The following TMEM232 variants were observed in gnomAD, a reference collection of about 807,000 sequenced individuals.
TMEM232 encodes transmembrane protein 232.
A neutral mutation model predicts 78.8 loss-of-function variants in TMEM232; 80 were observed. The ratio of observed to expected loss-of-function variants is 1.01; its 90% CI spans 0.85 to 1.22. TMEM232 has a LOEUF of 1.22. Among genes scored for constraint, TMEM232 ranks in the 50% most tolerant of loss-of-function variants. The probability of loss-of-function intolerance (pLI) is 0.00; values close to 1 mark genes in which losing one functional copy is unlikely to be tolerated. For synonymous variants in TMEM232, 297 were observed against 254.3 expected (o/e 1.17, Z -1.60); for missense variants, 881 against 742.2 (o/e 1.19, Z -2.17).
chr5:110,403,780 C>T (rs1755690589), intron 2 of TMEM232, among the ~76,000 whole-genome samples: 1 of 151,688 alleles, frequency 6.6e-6, no homozygotes, highest in Non-Finnish European at 1.5e-5. Flanking sequence ...AGCTTGGGCC[C>T]ATCAGGGAGA....
At chr5:110,520,889 G>C (rs1581051191) in intron 12 of TMEM232, among the ~76,000 whole-genome samples, 1 of 152,108 alleles carries the variant, frequency 6.6e-6, no homozygotes, top group South Asian at 2.1e-4. Context: ...TTGCACTACA[G>C]CCTGGGTAAT....
At chr5:110,722,552 T>C (rs1195430134) in intron 1 of TMEM232, among the ~76,000 whole-genome samples, 3 of 152,172 alleles carry the variant, frequency 2.0e-5, no homozygotes, top group African/African-American at 7.2e-5. Flanking sequence ...TCCTCAGAGC[T>C]TCCTGTGTGC....
At chr5:110,391,326 T>TGTGTGTGTGTGTGTGAGAGAGA (rs549361387) in intron 3 of TMEM232, among the ~76,000 whole-genome samples, 14 of 139,918 alleles carry the variant, frequency 1.0e-4, no homozygotes, top group African/African-American at 3.8e-4. Context: ...TGTGTGTGTG[T>TGTGTGTGTGTGTGTGAGAGAGA]GAGAGAGAGA....
intron 11 of TMEM232, among the ~76,000 whole-genome samples, chr5:110,558,157 G>C (rs1775322027): frequency 6.6e-6 from 1 of 152,152 alleles, no homozygotes; most frequent in Non-Finnish European, 1.5e-5. Context: ...TTGGGTACCT[G>C]CTGTGTTGGA....
At chr5:110,572,852 G>A (rs1777118617) in intron 10 of TMEM232, among the ~76,000 whole-genome samples, 1 of 152,066 alleles carries the variant, frequency 6.6e-6, no homozygotes, top group African/African-American at 2.4e-5. Flanking sequence ...TGTTACAACT[G>A]TCATAAAAAG....
chr5:110,548,355 T>A (rs1774039181), intron 11 of TMEM232, among the ~76,000 whole-genome samples: 1 of 148,966 alleles, frequency 6.7e-6, no homozygotes, highest in African/African-American at 2.4e-5. Flanking sequence ...TCATTAATTA[T>A]TAATATTTAA....
intron 10 of TMEM232, among the ~76,000 whole-genome samples, chr5:110,574,572 T>G (rs1009431459): frequency 1.3e-5 from 2 of 152,104 alleles, no homozygotes; most frequent in South Asian, 4.1e-4. Flanking sequence ...AGTTTGAACA[T>G]TGGTGGGGCC....
chr5:110,475,695 G>C (rs1262019371), intron 12 of TMEM232, among the ~76,000 whole-genome samples: 1 of 151,810 alleles, frequency 6.6e-6, no homozygotes, highest in Non-Finnish European at 1.5e-5. Context: ...AGGTAGTAGA[G>C]AGTTCAGGTG....
intron 11 of TMEM232, among the ~76,000 whole-genome samples, chr5:110,542,285 T>C (rs909195844): frequency 2.6e-5 from 4 of 152,206 alleles, no homozygotes; most frequent in African/African-American, 9.6e-5. Flanking sequence ...TCCAGATGGA[T>C]GGAACCACTT....
rs1774946680 is a variant in TMEM232, at chr5:110,555,313, T to C, written c.1455+13134A>G. Among the ~76,000 whole-genome samples the C allele has an allele frequency of 2.0e-5, 3 of 152,172 alleles. No homozygotes were observed. The South Asian group carries it at 6.2e-4, about 31-fold the overall frequency. ...GCAGGTTGCTTAATTTACATGTAAT[T>C]GTATGGTTTTGAGAGATTTTCTTGG... On this transcript the variant is annotated intron_variant, in intron 11 of 13. Coordinates refer to ENST00000455884, the MANE Select transcript of TMEM232 (RefSeq NM_001039763.4).
intron 12 of TMEM232, among the ~76,000 whole-genome samples, chr5:110,478,764 A>G (rs187815898): frequency 2.0e-5 from 3 of 151,904 alleles, no homozygotes; most frequent in South Asian, 2.1e-4. Context: ...TAAGGTGCCA[A>G]TGTTGCCTGT....
Position 110,528,737 on chromosome 5 carries a change from T to G in TMEM232, c.1554A>C (p.Arg518Ser). The G allele has an allele frequency of 1.3e-6, 2 of 1,534,608 alleles. No homozygotes were observed. Among genetic ancestry groups the G allele is most frequent in the Non-Finnish European group, 1.7e-6 (2 of 1,146,216 alleles). ...ATAGTTTGGAAAGAGTGTTGGCAAT[T>G]CTCCACCCAATATATTTGGAGAAAA... ...EEVFSKYIGWRIANTLSKLFF... is the reference protein window; with the variant it reads ...EEVFSKYIGWSIANTLSKLFF... Residue 518 changes from arginine (R) to serine (S), a missense_variant, in exon 12 of 14, where the codon AGA becomes AGC. Coordinates refer to ENST00000455884, the MANE Select transcript of TMEM232 (RefSeq NM_001039763.4).
intron 1 of TMEM232, among the ~76,000 whole-genome samples, chr5:110,692,915 G>A (rs777768219): frequency 7.9e-5 from 12 of 152,212 alleles, no homozygotes; most frequent in Non-Finnish European, 1.0e-4. Flanking sequence ...AGTAACCTCT[G>A]CAGACTTAAA....
chr5:110,583,078 C>G (rs932019237), intron 10 of TMEM232, among the ~76,000 whole-genome samples: 6 of 151,860 alleles, frequency 4.0e-5, no homozygotes, highest in Non-Finnish European at 7.4e-5. Flanking sequence ...TTTACACTAC[C>G]TAACGTAATC....
At chr5:110,655,541 C>A (rs1437383330) in intron 2 of TMEM232, among the ~76,000 whole-genome samples, 3 of 142,450 alleles carry the variant, frequency 2.1e-5, no homozygotes, top group African/African-American at 7.9e-5. Context: ...TTTGACCCAG[C>A]CATCCCATTA....
intron 7 of TMEM232, among the ~76,000 whole-genome samples, chr5:110,620,857 G>A (rs1346852838): frequency 3.3e-5 from 4 of 120,218 alleles, no homozygotes; most frequent in African/African-American, 1.5e-4. Flanking sequence ...TATTTCAAGC[G>A]CTTTTTTTTT....
intron 12 of TMEM232, among the ~76,000 whole-genome samples, chr5:110,426,366 C>T (rs1391860109): frequency 6.6e-6 from 1 of 151,956 alleles, no homozygotes; most frequent in Non-Finnish European, 1.5e-5. Flanking sequence ...TCCTCAGTGC[C>T]CAACACAGTG....
In TMEM232 at chr5:110,638,281, C is replaced by CA. The variant is rs1561432490; in HGVS notation, c.417dup (p.Val140CysfsTer12). The CA allele has an allele frequency of 6.4e-7, 1 of 1,550,758 alleles. No homozygotes were observed. Reference sequence around the variant, plus strand: ...AGTCTGTATAAAACCGATTCCGCAACAAAAAATAAGGCAGGCAGATGATCA... The same window carrying CA: ...AGTCTGTATAAAACCGATTCCGCAACAAAAAAATAAGGCAGGCAGATGATCA... On this transcript the variant is annotated frameshift_variant, in exon 5 of 14. Coordinates refer to ENST00000455884, the MANE Select transcript of TMEM232 (RefSeq NM_001039763.4). LOFTEE classifies it high-confidence loss of function.
intron 13 of TMEM232, 124 bp downstream of exon 13, chr5:110,424,699 C>CT (rs1247376768): frequency 5.3e-5 from 41 of 773,454 alleles, no homozygotes; most frequent in Non-Finnish European, 7.6e-5. Context: ...GTTTGGCAAA[C>CT]CAATCATGGC....
Sources: gnomAD v4.1 joint callset for allele counts (sites outside exome capture counted in the v4.1 genomes callset) on GRCh38, gnomAD v4.1.1 for gene constraint, MANE v1.5 for transcripts, NCBI Gene and HGNC (gene_info 2026-07-23, HGNC 2026-07-21) for gene names.